Variants in NFIA observed in about 807,000 individuals in gnomAD.
NFIA encodes the protein nuclear factor 1 A-type.
A neutral mutation model predicts 62.8 loss-of-function variants in NFIA; 8 were observed. The ratio of observed to expected loss-of-function variants is 0.13; its 90% CI spans 0.07 to 0.23. The LOEUF is 0.23. NFIA is among the 10% of genes least tolerant of loss of function. NFIA has a pLI of 1.00. For missense variants in NFIA, 410 were observed against 642.1 expected, an observed-to-expected ratio of 0.64 and a Z score of 3.91; for synonymous variants, 235 against 238.1, an observed-to-expected ratio of 0.99 and a Z score of 0.12.
chr1:61,254,714 T>A (rs1656266482), intron 2 of NFIA, among the ~76,000 whole-genome samples: 1 of 152,154 alleles, frequency 6.6e-6, no homozygotes, highest in African/African-American at 2.4e-5. Flanking sequence ...AGCAACACCA[T>A]TTTATATTTT....
intron 2 of NFIA, among the ~76,000 whole-genome samples, chr1:61,126,574 A>T (rs1646975122): frequency 6.6e-6 from 1 of 152,078 alleles, no homozygotes; most frequent in African/African-American, 2.4e-5. Context: ...GAGTATCAGA[A>T]GATACTTTAG....
intron 3 of NFIA, among the ~76,000 whole-genome samples, chr1:61,304,528 A>G (rs1003579805): frequency 2.6e-5 from 4 of 152,202 alleles, no homozygotes; most frequent in African/African-American, 7.2e-5. Context: ...CGTTTCAAAT[A>G]TGGCTGACAA....
At chr1:61,381,123 C>T (rs190389628) in intron 6 of NFIA, among the ~76,000 whole-genome samples, 1 of 151,446 alleles carries the variant, frequency 6.6e-6, no homozygotes, top group African/African-American at 2.4e-5. Flanking sequence ...AAATCTGCCA[C>T]CTTTAAAGTT....
intron 2 of NFIA, among the ~76,000 whole-genome samples, chr1:61,100,227 C>T (rs746662910): frequency 1.3e-5 from 2 of 152,136 alleles, no homozygotes; most frequent in African/African-American, 2.4e-5. Context: ...CCATGCATCT[C>T]GGAAACTATG....
In NFIA at chr1:61,455,423, A is replaced by G; in HGVS notation, c.*103A>G. The G allele has an allele frequency of 6.3e-7, 1 of 1,586,174 alleles. No individual in the cohort carries two copies. The highest frequency in any genetic ancestry group is 8.6e-7 in the Non-Finnish European group (1 of 1,160,070). On this transcript the variant is annotated 3_prime_UTR_variant, in exon 11 of 11. Transcript: ENST00000403491. ...CCAGCGCAGTTACAACTTCACTATC[A>G]GCGGAAGGGGAGAAAAACCGATTCA...
chr1:61,338,820 T>G (rs527988049), intron 4 of NFIA, among the ~76,000 whole-genome samples: 1 of 152,360 alleles, frequency 6.6e-6, no homozygotes, highest in Admixed American at 6.5e-5. Context: ...TAAAGTGGGA[T>G]AGATTTAAAA....
At chr1:61,386,358 C>T (rs17122105) in intron 7 of NFIA, among the ~76,000 whole-genome samples, 2,071 of 152,188 alleles carry the variant, frequency 0.014, 52 homozygotes, top group African/African-American at 0.047. Flanking sequence ...TTAGATAATC[C>T]AGAGAATCAA....
intron 4 of NFIA, among the ~76,000 whole-genome samples, chr1:61,335,853 A>AG (rs1227033842): frequency 1.3e-5 from 2 of 152,052 alleles, no homozygotes; most frequent in Non-Finnish European, 2.9e-5. Context: ...AAAAAAAAAA[A>AG]GAAATAAGCT....
chr1:61,130,401 C>A (rs1647053397), intron 2 of NFIA, among the ~76,000 whole-genome samples: 1 of 152,048 alleles, frequency 6.6e-6, no homozygotes, highest in Non-Finnish European at 1.5e-5. Flanking sequence ...TCTTCTGTAA[C>A]CTTTTTAAAC....
chr1:61,090,031 C>T (rs1169995269), intron 2 of NFIA, among the ~76,000 whole-genome samples: 1 of 152,078 alleles, frequency 6.6e-6, no homozygotes, highest in Non-Finnish European at 1.5e-5. Flanking sequence ...ATAAGAATTG[C>T]CTTTTGCTTT....
intron 6 of NFIA, among the ~76,000 whole-genome samples, chr1:61,365,529 G>T (rs1312799635): frequency 6.6e-6 from 1 of 152,318 alleles, no homozygotes; most frequent in East Asian, 1.9e-4. Context: ...CAATTCTCTT[G>T]TCTCCCTCTC....
intron 2 of NFIA, among the ~76,000 whole-genome samples, chr1:61,160,541 TG>T (rs1253950630): frequency 2.0e-5 from 3 of 152,202 alleles, no homozygotes; most frequent in African/African-American, 7.2e-5. Flanking sequence ...AGAGGAAGAT[TG>T]GGGAATTGAA....
At chr1:61,207,349 C>G (rs1056521301) in intron 2 of NFIA, among the ~76,000 whole-genome samples, 1 of 152,134 alleles carries the variant, frequency 6.6e-6, no homozygotes, top group Non-Finnish European at 1.5e-5. Context: ...TTCTCTCTCT[C>G]CATGATTTTT....
At chr1:61,322,062 G>A (rs1660706933) in intron 3 of NFIA, among the ~76,000 whole-genome samples, 2 of 152,276 alleles carry the variant, frequency 1.3e-5, no homozygotes, top group South Asian at 4.1e-4. Context: ...ATAAAGAGTG[G>A]TAAATATACC....
intron 10 of NFIA, among the ~76,000 whole-genome samples, chr1:61,433,298 AT>A (rs1180101321): frequency 6.6e-6 from 1 of 152,160 alleles, no homozygotes; most frequent in Non-Finnish European, 1.5e-5. Flanking sequence ...ACCTTTACTA[AT>A]GATATTAGTC....
intron 8 of NFIA, among the ~76,000 whole-genome samples, chr1:61,406,310 A>T (rs890547710): frequency 1.3e-5 from 2 of 152,180 alleles, no homozygotes; most frequent in East Asian, 3.9e-4. Context: ...AAGAAGGACA[A>T]TGTAGTTCAA....
intron 8 of NFIA, among the ~76,000 whole-genome samples, chr1:61,404,710 T>G (rs1274718444): frequency 6.6e-6 from 1 of 152,200 alleles, no homozygotes; most frequent in African/African-American, 2.4e-5. Flanking sequence ...TTGATATTTT[T>G]GAAAAATACA....
chr1:61,406,542 T>TGGGGGGGGGCGG lies in NFIA; in HGVS notation c.1255-19_1255-18insGGGGGGGGCGGG. On this transcript the variant is annotated intron_variant, in intron 8 of 10. Coordinates refer to ENST00000403491, the MANE Select transcript of NFIA (RefSeq NM_001134673.4). ...TTCTTTTTCTTGTACGTGTGTTTTC[T>TGGGGGGGGGCGG]GCCCCCCCCCCCCCCACAGCCCAAT... is the stretch of plus-strand genomic sequence containing the variant. 1 of 1,253,830 alleles carries TGGGGGGGGGCGG rather than the reference T, an allele frequency of 8.0e-7. No individual in the cohort carries two copies. The highest frequency in any genetic ancestry group is 1.1e-6 in the Non-Finnish European group (1 of 931,744). The allele number at this position is 1,253,830 out of a possible 1,614,324, so 77.7% of individuals were successfully genotyped here.
chr1:61,272,468 A>G (rs1657570980), intron 2 of NFIA, among the ~76,000 whole-genome samples: 1 of 152,208 alleles, frequency 6.6e-6, no homozygotes, highest in Non-Finnish European at 1.5e-5. Flanking sequence ...TTAATGTAAT[A>G]AACTTATGGT....
Sources: allele counts gnomAD v4.1 joint callset (sites outside exome capture counted in the v4.1 genomes callset), GRCh38; gene constraint gnomAD v4.1.1; transcripts MANE v1.5; gene names NCBI Gene and HGNC (gene_info 2026-07-23, HGNC 2026-07-21).